The following COL14A1 variants were observed in gnomAD, a reference collection of about 807,000 sequenced individuals.
The protein encoded by COL14A1 is collagen alpha-1(XIV) chain.
Under a neutral mutation model 230.3 loss-of-function variants are expected in COL14A1, and 136 were observed. The ratio of observed to expected loss-of-function variants is 0.59; its 90% CI spans 0.51 to 0.68. COL14A1 has a LOEUF of 0.68. Among genes scored for constraint, COL14A1 ranks in the 30% least tolerant of loss-of-function variants. The pLI is 0.00. For synonymous variants in COL14A1, 792 were observed against 784.1 expected (o/e 1.01, Z -0.17); for missense variants, 1,976 against 2,215.8 (o/e 0.89, Z 2.17).
intron 5 of COL14A1, among the ~76,000 whole-genome samples, chr8:120,175,914 A>T (rs1329819783): frequency 6.6e-6 from 1 of 152,154 alleles, no homozygotes; most frequent in East Asian, 1.9e-4. Context: ...ATATATACAC[A>T]TACCTACCTT....
chr8:120,264,335 T>C (rs1332656555), intron 24 of COL14A1, among the ~76,000 whole-genome samples: 1 of 152,196 alleles, frequency 6.6e-6, no homozygotes, highest in African/African-American at 2.4e-5. Flanking sequence ...TTATGGATTG[T>C]AAATCATATA....
At chr8:120,184,042 G>A (rs1021204068) in intron 5 of COL14A1, among the ~76,000 whole-genome samples, 2 of 151,968 alleles carry the variant, frequency 1.3e-5, no homozygotes, top group Non-Finnish European at 2.9e-5. Flanking sequence ...TATGAAATGG[G>A]AAGAACATCT....
chr8:120,173,891 CAA>C (rs1554601758), intron 5 of COL14A1, among the ~76,000 whole-genome samples: 1 of 150,298 alleles, frequency 6.7e-6, no homozygotes, highest in Admixed American at 6.7e-5. Context: ...AAAAGACAAA[CAA>C]ATCTATTAAC....
intron 42 of COL14A1, among the ~76,000 whole-genome samples, chr8:120,338,971 C>T: frequency 6.6e-6 from 1 of 152,078 alleles, no homozygotes; most frequent in East Asian, 1.9e-4. Flanking sequence ...CATTTATTTC[C>T]AAAAAGAATT....
intron 23 of COL14A1, 118 bp from the exon 24 acceptor site, chr8:120,262,750 T>A: frequency 1.1e-6 from 1 of 882,368 alleles, no homozygotes; most frequent in Non-Finnish European, 1.7e-6. Context: ...TAACTCATTC[T>A]GGAGTTATCT....
chr8:120,283,544 CT>C (rs1820103615), intron 31 of COL14A1, 91 bp from the exon 32 acceptor site: 4 of 1,365,596 alleles, frequency 2.9e-6, no homozygotes, highest in Non-Finnish European at 4.0e-6. Context: ...TTTTCCAAAT[CT>C]TGTGTAATGA....
intron 30 of COL14A1, 62 bp from the exon 31 acceptor site, chr8:120,280,859 T>A (rs1820012819): frequency 6.8e-7 from 1 of 1,479,660 alleles, no homozygotes; most frequent in Non-Finnish European, 9.1e-7. Flanking sequence ...TATTAAAATT[T>A]AAAATTCTAA....
At chr8:120,210,978 A>G (rs1438990545) in intron 12 of COL14A1, among the ~76,000 whole-genome samples, 2 of 152,184 alleles carry the variant, frequency 1.3e-5, no homozygotes, top group Non-Finnish European at 2.9e-5. Context: ...AGAAAAAAAA[A>G]AGGAATAGTA....
At chr8:120,321,183 C>G (rs751923547) in intron 40 of COL14A1, among the ~76,000 whole-genome samples, 4 of 152,124 alleles carry the variant, frequency 2.6e-5, no homozygotes, top group Non-Finnish European at 5.9e-5. Context: ...CAATAGGAAC[C>G]CAGTGTGGGT....
At chr8:120,332,483 G>A (rs1821904110) in intron 41 of COL14A1, among the ~76,000 whole-genome samples, 181 bp from the exon 42 acceptor site, 3 of 152,284 alleles carry the variant, frequency 2.0e-5, no homozygotes, top group Non-Finnish European at 2.9e-5. Context: ...GATATATAGT[G>A]AGGAGACTAA....
chr8:120,149,644 G>A (rs1280584479), intron 2 of COL14A1, among the ~76,000 whole-genome samples: 2 of 151,732 alleles, frequency 1.3e-5, no homozygotes, highest in Non-Finnish European at 2.9e-5. Flanking sequence ...TTTCAAGGAT[G>A]CTGTCTACCA....
At chr8:120,189,752 G>A (rs1205945712) in intron 5 of COL14A1, among the ~76,000 whole-genome samples, 1 of 149,376 alleles carries the variant, frequency 6.7e-6, no homozygotes, top group Non-Finnish European at 1.5e-5. Flanking sequence ...TTTTGTCCTT[G>A]CGATAGTTTA....
intron 19 of COL14A1, among the ~76,000 whole-genome samples, chr8:120,234,691 A>C (rs551983769): frequency 1.3e-5 from 2 of 152,174 alleles, no homozygotes; most frequent in East Asian, 3.9e-4. Flanking sequence ...TAAGCTTTTT[A>C]ATGTGTTGCT....
At chr8:120,224,257 C>A (rs909596088) in intron 14 of COL14A1, among the ~76,000 whole-genome samples, 1 of 151,942 alleles carries the variant, frequency 6.6e-6, no homozygotes, top group African/African-American at 2.4e-5. Context: ...GAACTCCCAA[C>A]CTCAAGTGAT....
At chr8:120,136,599 T>C (rs1814715243) in intron 1 of COL14A1, among the ~76,000 whole-genome samples, 1 of 152,098 alleles carries the variant, frequency 6.6e-6, no homozygotes, top group Middle Eastern at 3.2e-3. Flanking sequence ...TGTGAAAGAT[T>C]TTTATATCTA....
At chr8:120,285,463 C>CAAAAAAA (rs1218052645) in intron 32 of COL14A1, among the ~76,000 whole-genome samples, 3 of 64,984 alleles carry the variant, frequency 4.6e-5, no homozygotes, top group Non-Finnish European at 8.3e-5. Context: ...GACTCCATCT[C>CAAAAAAA]AAAAAAAAAA....
chr8:120,280,247 G>C, intron 29 of COL14A1, 148 bp downstream of exon 29: 1 of 930,648 alleles, frequency 1.1e-6, no homozygotes, highest in East Asian at 2.6e-5. Context: ...TTGTGGCTTT[G>C]AGCATATGGA....
chr8:120,204,793 C>T (rs1817376457), intron 9 of COL14A1, among the ~76,000 whole-genome samples: 1 of 152,226 alleles, frequency 6.6e-6, no homozygotes, highest in Non-Finnish European at 1.5e-5. Flanking sequence ...TCCTGACTCA[C>T]TGCTAGGTCT....
intron 1 of COL14A1, among the ~76,000 whole-genome samples, chr8:120,138,496 GC>G (rs1233215188): frequency 3.0e-4 from 46 of 152,096 alleles, no homozygotes; most frequent in South Asian, 2.1e-4. Flanking sequence ...TAAGACAGCA[GC>G]TTTCCCCCTG....
Sources: gnomAD v4.1 joint callset for allele counts (sites outside exome capture counted in the v4.1 genomes callset) on GRCh38, gnomAD v4.1.1 for gene constraint, MANE v1.5 for transcripts, NCBI Gene and HGNC (gene_info 2026-07-23, HGNC 2026-07-21) for gene names.